SPSB4: variants seen among roughly 807,000 people sequenced by gnomAD.
SPSB4 encodes the protein SPRY domain-containing SOCS box protein 4.
In SPSB4, 21 loss-of-function variants were observed where a neutral mutation model predicts 20.9. That is an observed-to-expected ratio of 1.01 (90% CI 0.71 to 1.45). SPSB4 has a LOEUF of 1.45. SPSB4 is among the 40% of genes most tolerant of loss of function. The pLI, the probability that SPSB4 is intolerant of heterozygous loss-of-function variation, is 0.00. For missense variants in SPSB4, 399 were observed against 399.2 expected, an observed-to-expected ratio of 1.00 and a Z score of 0.00; for synonymous variants, 207 against 183.8, an observed-to-expected ratio of 1.13 and a Z score of -1.02.
intron 2 of SPSB4, among the ~76,000 whole-genome samples, chr3:141,128,513 G>A (rs1247660452): frequency 6.6e-6 from 1 of 152,136 alleles, no homozygotes; most frequent in Non-Finnish European, 1.5e-5. Flanking sequence ...TTTGTATATG[G>A]CAGAGGAGCC....
intron 2 of SPSB4, among the ~76,000 whole-genome samples, chr3:141,136,697 A>G (rs1045657474): frequency 9.2e-5 from 14 of 152,146 alleles, no homozygotes; most frequent in African/African-American, 3.4e-4. Flanking sequence ...CCATTGGTCT[A>G]TATCTCTGTT....
chr3:141,092,050 C>G (rs1288573883), intron 2 of SPSB4, among the ~76,000 whole-genome samples: 5 of 152,148 alleles, frequency 3.3e-5, no homozygotes, highest in African/African-American at 1.2e-4. Flanking sequence ...AGCTATGAAC[C>G]CAGAGCTGGC....
intron 2 of SPSB4, among the ~76,000 whole-genome samples, chr3:141,134,374 T>A (rs910263723): frequency 3.5e-4 from 54 of 152,128 alleles, no homozygotes; most frequent in Non-Finnish European, 1.0e-4. Flanking sequence ...GTGGTGAAAG[T>A]GGGCATCCTT....
chr3:141,137,638 T>C (rs1034057337), intron 2 of SPSB4, among the ~76,000 whole-genome samples: 5 of 152,250 alleles, frequency 3.3e-5, no homozygotes, highest in African/African-American at 1.2e-4. Context: ...GGATTATGTT[T>C]ATTGATTTTC....
In SPSB4 at chr3:141,066,609, G is replaced by A. The variant is rs759365429; in HGVS notation, c.505G>A (p.Glu169Lys). Residue 169 changes from glutamate (E) to lysine (K), a missense_variant, in exon 2 of 3, where the codon GAG (glutamate) becomes AAG (lysine). Glu to Lys is a moderately conservative substitution (Grantham distance 56). Transcript: ENST00000310546. ...CTACCCGGCCTTTCTGGGGCCCGACGAGGCCTTTGCGCTGCCCGACTCGCT... is the reference window on the plus strand; with the variant it reads ...CTACCCGGCCTTTCTGGGGCCCGACAAGGCCTTTGCGCTGCCCGACTCGCT... ...VAYPAFLGPDEAFALPDSLLV... is the reference protein window; with the variant it reads ...VAYPAFLGPDKAFALPDSLLV... The A allele has an allele frequency of 8.8e-6, 14 of 1,595,236 alleles. No individual in the cohort carries two copies. Among genetic ancestry groups the A allele is most frequent in the Middle Eastern group, 1.7e-4 (1 of 6,010 alleles).
intron 2 of SPSB4, among the ~76,000 whole-genome samples, chr3:141,135,842 C>A (rs546832674): frequency 9.2e-5 from 14 of 152,116 alleles, no homozygotes; most frequent in Non-Finnish European, 1.9e-4. Flanking sequence ...ATTTATAATC[C>A]TTTGGGTATA....
At chr3:141,132,292 C>T (rs551662522) in intron 2 of SPSB4, 18 of 372,096 alleles carry the variant, frequency 4.8e-5, no homozygotes, top group Non-Finnish European at 6.8e-5. Context: ...CTCAGCTTCC[C>T]GAGTAGCTGG....
intron 2 of SPSB4, among the ~76,000 whole-genome samples, chr3:141,075,140 T>TGCAGTTTCTGAGTCCGTAC (rs1158125055): frequency 2.2e-5 from 2 of 88,976 alleles, no homozygotes; most frequent in African/African-American, 2.4e-4. Context: ...TGAGTCCGTA[T>TGCAGTTTCTGAGTCCGTAC]TGAAAAACAC....
In SPSB4 at chr3:141,070,204, A is replaced by AAAT. The variant is rs1553737921; in HGVS notation, c.694+3423_694+3425dup. On this transcript the variant is annotated intron_variant, in intron 2 of 2. Transcript: ENST00000310546. ...CTGTCCCAGGGGTTGTCCAGGGCACAAATAATAATAATAATAATAGCAACA... is the reference window on the plus strand; with the variant it reads ...CTGTCCCAGGGGTTGTCCAGGGCACAAATAATAATAATAATAATAATAGCAACA... 2.0e-3 allele frequency among the ~76,000 whole-genome samples: 311 copies of AAAT among 151,794 alleles called. 1 individual carries two copies. Among genetic ancestry groups the AAAT allele is most frequent in the African/African-American group, 4.1e-3 (172 of 41,482 alleles).
At chr3:141,123,698 G>A (rs1466760340) in intron 2 of SPSB4, among the ~76,000 whole-genome samples, 1 of 152,230 alleles carries the variant, frequency 6.6e-6, no homozygotes, top group Non-Finnish European at 1.5e-5. Flanking sequence ...TCTGATATTG[G>A]ATGTGTTTCT....
In SPSB4 at chr3:141,051,590, C is replaced by G. The variant is rs1033237878; in HGVS notation, c.-556C>G. On this transcript the variant is annotated 5_prime_UTR_variant, in exon 1 of 3. Transcript: ENST00000310546. ...GCGCTGGGGAAGACGCCCGGCGCGC[C>G]GGGGGCCAGCGGCCGAGGCGCGGCC... 3.0e-4 allele frequency: 42 copies of G among 141,068 alleles called. No homozygotes were observed. The highest frequency in any genetic ancestry group is 1.0e-3 in the African/African-American group (40 of 39,732). The allele number at this position is 141,068 out of a possible 1,614,324, so 8.7% of individuals were successfully genotyped here.
At chr3:141,053,749 T>C (rs1188148196) in intron 1 of SPSB4, among the ~76,000 whole-genome samples, 4 of 152,186 alleles carry the variant, frequency 2.6e-5, no homozygotes, top group Admixed American at 2.0e-4. Flanking sequence ...TTTTTTAATG[T>C]ATCAAATTAG....
At chr3:141,118,256 A>C (rs1270536592) in intron 2 of SPSB4, among the ~76,000 whole-genome samples, 1 of 152,056 alleles carries the variant, frequency 6.6e-6, no homozygotes, top group Admixed American at 6.6e-5. Flanking sequence ...GATGATGAGC[A>C]TTTTTTCATA....
intron 2 of SPSB4, among the ~76,000 whole-genome samples, chr3:141,136,756 T>C (rs1451583283): frequency 1.3e-5 from 2 of 152,180 alleles, no homozygotes; most frequent in African/African-American, 2.4e-5. Flanking sequence ...TGTAGAATAG[T>C]TTGAAGTGAG....
chr3:141,139,427 G>A (rs1939285200), intron 2 of SPSB4, among the ~76,000 whole-genome samples: 1 of 152,166 alleles, frequency 6.6e-6, no homozygotes, highest in Non-Finnish European at 1.5e-5. Context: ...TTTCTTCCTA[G>A]CCTCGATGGT....
chr3:141,125,594 G>T (rs1218199806), intron 2 of SPSB4, among the ~76,000 whole-genome samples: 1 of 152,230 alleles, frequency 6.6e-6, no homozygotes, highest in Non-Finnish European at 1.5e-5. Flanking sequence ...TGAGACCTCA[G>T]TCTGCCTGCA....
chr3:141,080,694 G>A (rs983063069), intron 2 of SPSB4, among the ~76,000 whole-genome samples: 12 of 152,250 alleles, frequency 7.9e-5, no homozygotes, highest in Non-Finnish European at 1.2e-4. Flanking sequence ...ACCATGCTGC[G>A]CAAGCCACCC....
At chr3:141,076,706 A>T (rs1938117452) in intron 2 of SPSB4, among the ~76,000 whole-genome samples, 1 of 152,048 alleles carries the variant, frequency 6.6e-6, no homozygotes, top group African/African-American at 2.4e-5. Flanking sequence ...CAGCACCCAC[A>T]CCTGTAACCT....
chr3:141,118,552 TG>T (rs1938916513), intron 2 of SPSB4, among the ~76,000 whole-genome samples: 1 of 152,258 alleles, frequency 6.6e-6, no homozygotes, highest in Admixed American at 6.5e-5. Context: ...GTTTTAGTCA[TG>T]AAGTCTTTGC....
Sources: allele counts gnomAD v4.1 joint callset (sites outside exome capture counted in the v4.1 genomes callset), GRCh38; gene constraint gnomAD v4.1.1; transcripts MANE v1.5; gene names NCBI Gene and HGNC (gene_info 2026-07-23, HGNC 2026-07-21).